Variants in CHSY3 observed in about 807,000 individuals in gnomAD.
CHSY3 encodes N-acetylgalactosaminyl-proteoglycan 3-beta-glucuronosyltransferase 3.
Under a neutral mutation model 67.2 loss-of-function variants are expected in CHSY3, and 35 were observed. The observed-to-expected ratio is 0.52, with a 90% CI of 0.40 to 0.69. The LOEUF (loss-of-function observed/expected upper bound fraction) is 0.69. Ranked by LOEUF, CHSY3 falls within the 30% of genes least tolerant of loss-of-function variation. CHSY3 has a pLI of 0.00. For synonymous variants in CHSY3, 474 were observed against 434.7 expected, an observed-to-expected ratio of 1.09 and a Z score of -1.12; for missense variants, 1,069 against 1,138.5, an observed-to-expected ratio of 0.94 and a Z score of 0.88.
intron 2 of CHSY3, among the ~76,000 whole-genome samples, chr5:129,911,223 G>T (rs1760534375): frequency 6.6e-6 from 1 of 151,728 alleles, no homozygotes. Flanking sequence ...AAAAATCCAG[G>T]ATTGAAGCTT....
intron 2 of CHSY3, among the ~76,000 whole-genome samples, chr5:130,170,454 C>T (rs1580797285): frequency 3.3e-5 from 5 of 152,182 alleles, no homozygotes; most frequent in Admixed American, 3.3e-4. Context: ...CATACAGGCA[C>T]AGGTATCTTT....
chr5:130,032,665 C>T (rs4836488), intron 2 of CHSY3, among the ~76,000 whole-genome samples: 79,155 of 151,776 alleles, frequency 0.52, 21,310 homozygotes, highest in East Asian at 0.67. Flanking sequence ...ACTCTGAGGG[C>T]ATAAAATGAG....
chr5:129,963,327 T>C (rs921500405), intron 2 of CHSY3, among the ~76,000 whole-genome samples: 6 of 152,032 alleles, frequency 3.9e-5, no homozygotes, highest in African/African-American at 1.4e-4. Flanking sequence ...TGAGAAACAT[T>C]TTTCAATTTC....
intron 2 of CHSY3, among the ~76,000 whole-genome samples, chr5:130,121,634 G>T (rs187078149): frequency 6.6e-6 from 1 of 152,170 alleles, no homozygotes; most frequent in African/African-American, 2.4e-5. Flanking sequence ...TATGTAATTT[G>T]GGGGGTAATT....
chr5:130,031,410 G>T (rs1764700608), intron 2 of CHSY3, among the ~76,000 whole-genome samples: 1 of 152,130 alleles, frequency 6.6e-6, no homozygotes, highest in South Asian at 2.1e-4. Flanking sequence ...TTATCTCACT[G>T]TGTGCACAAA....
chr5:129,932,107 T>TATATATATATATATAC, intron 2 of CHSY3, among the ~76,000 whole-genome samples: 2 of 22,102 alleles, frequency 9.0e-5, no homozygotes, highest in Non-Finnish European at 2.7e-4. Context: ...TAAAACCATA[T>TATATATATATATATAC]ATATATATAT....
rs915617003 is a variant in CHSY3, at chr5:130,091,301, T to C, written c.1087-92928T>C. Reference sequence around the variant, plus strand: ...TCTGTATTTTTGTCAGAATGCAGTGTTATTCAGCGATGGAAATCTTTTGTG... The same window carrying C: ...TCTGTATTTTTGTCAGAATGCAGTGCTATTCAGCGATGGAAATCTTTTGTG... On this transcript the variant is annotated intron_variant, in intron 2 of 2. Transcript: ENST00000305031. Among the ~76,000 whole-genome samples the C allele has an allele frequency of 4.6e-5, 7 of 152,308 alleles. No individual in the cohort carries two copies. The South Asian group carries it at 1.5e-3, about 32-fold the overall frequency.
intron 2 of CHSY3, among the ~76,000 whole-genome samples, chr5:129,927,339 T>TA (rs1446304961): frequency 3.3e-5 from 5 of 151,920 alleles, no homozygotes; most frequent in Middle Eastern, 3.4e-3. Context: ...ACATTTTTCT[T>TA]AAAAAAAACT....
At chr5:130,099,903 A>G (rs977404535) in intron 2 of CHSY3, among the ~76,000 whole-genome samples, 1 of 152,186 alleles carries the variant, frequency 6.6e-6, no homozygotes, top group Non-Finnish European at 1.5e-5. Flanking sequence ...AATGAGGCTC[A>G]TAGACTGAGC....
chr5:129,909,258 G>T (rs955561772), intron 2 of CHSY3, among the ~76,000 whole-genome samples: 2 of 152,014 alleles, frequency 1.3e-5, no homozygotes, highest in Non-Finnish European at 2.9e-5. Flanking sequence ...TGGTTTTCAA[G>T]TAGTTGGAAT....
intron 2 of CHSY3, among the ~76,000 whole-genome samples, chr5:130,164,731 C>T (rs1385803194): frequency 2.0e-5 from 3 of 152,190 alleles, no homozygotes; most frequent in South Asian, 4.1e-4. Context: ...AGACACAGTC[C>T]TATCCTTCAG....
In CHSY3 at chr5:130,184,060, A is replaced by G. The variant is rs141573647; in HGVS notation, c.1087-169A>G. ...ATTTCATCTACCAATTACAAATAAT[A>G]AAACTATTTTAATTTTAAATAATAT... On this transcript the variant is annotated intron_variant, in intron 2 of 2. Transcript: ENST00000305031. 1.9e-3 allele frequency among the ~76,000 whole-genome samples: 287 copies of G among 152,010 alleles called. 1 individual carries two copies. The highest frequency in any genetic ancestry group is 6.6e-3 in the African/African-American group (275 of 41,518).
intron 2 of CHSY3, among the ~76,000 whole-genome samples, chr5:129,919,641 A>T (rs1349616684): frequency 6.6e-6 from 1 of 152,148 alleles, no homozygotes; most frequent in Non-Finnish European, 1.5e-5. Context: ...GAACAGTATG[A>T]GGGAAACGGC....
intron 2 of CHSY3, among the ~76,000 whole-genome samples, chr5:130,024,597 A>T (rs969828953): frequency 2.0e-5 from 3 of 152,136 alleles, no homozygotes; most frequent in African/African-American, 7.2e-5. Flanking sequence ...ATTATGTTTT[A>T]CAAAATGTAC....
chr5:130,011,462 T>C (rs903973393), intron 2 of CHSY3, among the ~76,000 whole-genome samples: 1 of 152,144 alleles, frequency 6.6e-6, no homozygotes. Flanking sequence ...TAGTCATCAA[T>C]GGTACATACC....
intron 2 of CHSY3, among the ~76,000 whole-genome samples, chr5:130,115,963 T>C (rs987906060): frequency 6.6e-6 from 1 of 152,154 alleles, no homozygotes; most frequent in Admixed American, 6.5e-5. Flanking sequence ...CCTCTCCTTG[T>C]CTTCAGTTCT....
intron 2 of CHSY3, among the ~76,000 whole-genome samples, chr5:130,169,534 A>T (rs776604082): frequency 3.9e-5 from 6 of 152,118 alleles, no homozygotes; most frequent in African/African-American, 7.2e-5. Flanking sequence ...TATCCTTCAA[A>T]CAAAAAAATC....
intron 2 of CHSY3, among the ~76,000 whole-genome samples, chr5:130,133,171 A>C (rs1156556258): frequency 6.6e-6 from 1 of 152,174 alleles, no homozygotes; most frequent in Non-Finnish European, 1.5e-5. Flanking sequence ...ATAGACATAA[A>C]AAGGACTCAG....
At chr5:129,980,292 TA>T (rs1762945059) in intron 2 of CHSY3, among the ~76,000 whole-genome samples, 1 of 152,244 alleles carries the variant, frequency 6.6e-6, no homozygotes, top group Non-Finnish European at 1.5e-5. Flanking sequence ...TATATAGTAG[TA>T]TCTCATTCTT....
Sources: gnomAD v4.1 joint callset for allele counts (sites outside exome capture counted in the v4.1 genomes callset) on GRCh38, gnomAD v4.1.1 for gene constraint, MANE v1.5 for transcripts, NCBI Gene and HGNC (gene_info 2026-07-23, HGNC 2026-07-21) for gene names.